Variants in RHEX observed in about 807,000 individuals in gnomAD.
RHEX encodes the protein regulator of hemoglobinization and erythroid cell expansion.
In RHEX, 18 loss-of-function variants were observed where a neutral mutation model predicts 20.1. The ratio of observed to expected loss-of-function variants is 0.90; its 90% CI spans 0.62 to 1.33. RHEX has a LOEUF of 1.33. RHEX is among the 40% of genes most tolerant of loss of function. RHEX has a pLI of 0.00. For missense variants in RHEX, 192 were observed against 214.3 expected (o/e 0.90, Z 0.65); for synonymous variants, 87 against 77.1 (o/e 1.13, Z -0.67).
intron 1 of RHEX, among the ~76,000 whole-genome samples, chr1:206,076,417 C>T (rs993145711): frequency 2.0e-5 from 3 of 152,252 alleles, no homozygotes; most frequent in East Asian, 1.9e-4. Flanking sequence ...CCACCCTCCT[C>T]GATCTCCCAA....
chr1:206,059,577 C>T (rs1280534932), intron 1 of RHEX, among the ~76,000 whole-genome samples: 2 of 152,116 alleles, frequency 1.3e-5, no homozygotes, highest in Non-Finnish European at 2.9e-5. Context: ...TGCAGCTTCA[C>T]TTTATGGGGA....
At chr1:206,068,935 C>A (rs1413729061) in intron 1 of RHEX, among the ~76,000 whole-genome samples, 4 of 152,194 alleles carry the variant, frequency 2.6e-5, no homozygotes, top group Non-Finnish European at 5.9e-5. Flanking sequence ...CACAGGGGCC[C>A]CCATGACCAA....
At chr1:206,069,704 T>G (rs1016546756) in intron 1 of RHEX, among the ~76,000 whole-genome samples, 4 of 151,990 alleles carry the variant, frequency 2.6e-5, no homozygotes, top group African/African-American at 9.7e-5. Context: ...TGTGAAAACA[T>G]CTATAAACAT....
chr1:206,058,319 A>G (rs1662238655), intron 1 of RHEX, among the ~76,000 whole-genome samples: 2 of 152,204 alleles, frequency 1.3e-5, no homozygotes, highest in Admixed American at 6.5e-5. Flanking sequence ...ATGCTTCAGC[A>G]CAAGCATACT....
intron 1 of RHEX, among the ~76,000 whole-genome samples, chr1:206,095,364 T>A (rs78277722): frequency 0.013 from 1,932 of 151,460 alleles, 20 homozygotes; most frequent in Middle Eastern, 0.034. Flanking sequence ...CAAAAAAACA[T>A]GTTTACGATA....
intron 1 of RHEX, among the ~76,000 whole-genome samples, chr1:206,065,237 A>G (rs1380712888): frequency 6.6e-6 from 1 of 152,002 alleles, no homozygotes; most frequent in African/African-American, 2.4e-5. Flanking sequence ...GACACTGCCA[A>G]ATCCCCCTCT....
intron 1 of RHEX, among the ~76,000 whole-genome samples, chr1:206,079,153 A>G (rs1405535519): frequency 1.3e-5 from 2 of 152,236 alleles, no homozygotes; most frequent in Admixed American, 1.3e-4. Flanking sequence ...AGCAGCTGAT[A>G]TAGTGGCTGG....
chr1:206,081,310 G>A (rs1489193275), intron 1 of RHEX, among the ~76,000 whole-genome samples: 1 of 152,200 alleles, frequency 6.6e-6, no homozygotes, highest in Non-Finnish European at 1.5e-5. Flanking sequence ...TGGGGATACA[G>A]AGAACAAGAC....
Position 206,101,118 on chromosome 1 carries a change from G to C in RHEX, c.257-18G>C, listed in dbSNP as rs148954194. ...TCTGGCTTGCTTTGGAAGAGGAACC[G>C]TTTCTATTTCTCCCCAGATGACAGC... On this transcript the variant is annotated intron_variant, in intron 4 of 5. Transcript: ENST00000331555. 6.2e-7 allele frequency: 1 copy of C among 1,607,378 alleles called. No homozygotes were observed.
intron 1 of RHEX, among the ~76,000 whole-genome samples, chr1:206,077,480 A>T (rs1313923104): frequency 6.6e-6 from 1 of 152,190 alleles, no homozygotes; most frequent in East Asian, 1.9e-4. Context: ...GCCTATAAAC[A>T]ACATGGTGAG....
rs559625906 is a variant in RHEX at position 206,073,652 on chromosome 1, G to C, written c.-97+20387G>C. The stretch of plus-strand genomic sequence containing the variant: ...ACATCTGAAACGAAAGTATCCCGCT[G>C]TTCCTCCATGACTCCCTGTCTCGCG... On this transcript the variant is annotated intron_variant, in intron 1 of 5. Coordinates refer to ENST00000331555, the MANE Select transcript of RHEX (RefSeq NM_001007544.4). Among the ~76,000 whole-genome samples, 4 of 152,194 alleles carry C rather than the reference G, an allele frequency of 2.6e-5. No individual in the cohort carries two copies. In the South Asian group the frequency reaches 6.2e-4, roughly 24 times the overall value.
chr1:206,096,362 C>T (rs572716505), intron 1 of RHEX, among the ~76,000 whole-genome samples: 2 of 152,218 alleles, frequency 1.3e-5, no homozygotes, highest in South Asian at 2.1e-4. Flanking sequence ...ATTAGACAAT[C>T]GATACTAAAG....
At chr1:206,075,579 A>G (rs1662621761) in intron 1 of RHEX, among the ~76,000 whole-genome samples, 2 of 151,818 alleles carry the variant, frequency 1.3e-5, no homozygotes, top group Non-Finnish European at 2.9e-5. Flanking sequence ...CCAAGGTCAC[A>G]GTTGAAAAAA....
At chr1:206,085,597 T>C (rs1662823310) in intron 1 of RHEX, among the ~76,000 whole-genome samples, 1 of 152,206 alleles carries the variant, frequency 6.6e-6, no homozygotes, top group South Asian at 2.1e-4. Flanking sequence ...AAATTACTAA[T>C]TAGAAACTCT....
Position 206,067,879 on chromosome 1 carries a change from GC to G in RHEX, c.-97+14618del, listed in dbSNP as rs1319629777. On this transcript the variant is annotated intron_variant, in intron 1 of 5. Coordinates refer to ENST00000331555, the MANE Select transcript of RHEX (RefSeq NM_001007544.4). The surrounding 1 kb of genome is among the most constrained non-coding windows in gnomAD (Gnocchi z 4.6). ...AATTCTTTTACCATCTGTGACGCCA[GC>G]CCCAGCCAGTTGCACCTGCAACAGA... Among the ~76,000 whole-genome samples the G allele has an allele frequency of 6.6e-6, 1 of 152,182 alleles. No homozygotes were observed. The highest frequency in any genetic ancestry group is 1.5e-5 in the Non-Finnish European group (1 of 68,046).
rs782437714 is a variant in RHEX, at chr1:206,099,690, C to G, written c.148C>G (p.Leu50Val). Residue 50 changes from leucine (L) to valine (V), a missense_variant, in exon 4 of 6, where the codon CTC becomes GTC. Coordinates refer to ENST00000331555, the MANE Select transcript of RHEX (RefSeq NM_001007544.4). Reference protein sequence around the residue: ...KSEQILKAASLQVPRPSPGHH... With the variant: ...KSEQILKAASVQVPRPSPGHH... ...TGAACAGATACTGAAAGCGGCCAGT[C>G]TCCAGGTTCCCAGGCCCAGCCCTGG... 12 of 1,614,048 alleles carry G rather than the reference C, an allele frequency of 7.4e-6. No homozygotes were observed. The African/African-American group carries it at 1.2e-4, about 16-fold the overall frequency.
At chr1:206,079,120 G>A (rs1662691032) in intron 1 of RHEX, among the ~76,000 whole-genome samples, 1 of 152,184 alleles carries the variant, frequency 6.6e-6, no homozygotes, top group Non-Finnish European at 1.5e-5. Flanking sequence ...AAGTTGTTCT[G>A]AGGATTAAAG....
chr1:206,079,150 G>A, intron 1 of RHEX, among the ~76,000 whole-genome samples: 1 of 152,266 alleles, frequency 6.6e-6, no homozygotes, highest in East Asian at 1.9e-4. Context: ...TAAAGCAGCT[G>A]ATATAGTGGC....
In RHEX at chr1:206,102,048, C is replaced by A; in HGVS notation, c.*96C>A. 1 of 1,005,372 alleles carries A rather than the reference C, an allele frequency of 9.9e-7. No individual in the cohort carries two copies. The highest frequency in any genetic ancestry group is 1.9e-5 in the Admixed American group (1 of 51,780). 62.3% of individuals were successfully genotyped at this position (1,005,372 alleles called of 1,614,324 possible). ...TTTCCCCCTTAAACAAGGCATGGGG[C>A]TCACAAGTCTATGGAGACAGGCCAA... On this transcript the variant is annotated 3_prime_UTR_variant, in exon 6 of 6. Transcript: ENST00000331555.
Sources: allele counts gnomAD v4.1 joint callset (sites outside exome capture counted in the v4.1 genomes callset), GRCh38; gene constraint gnomAD v4.1.1; non-coding constraint Gnocchi (gnomAD v3.1); transcripts MANE v1.5; gene names NCBI Gene and HGNC (gene_info 2026-07-23, HGNC 2026-07-21).